Variants in KCNIP4 observed in about 807,000 individuals in gnomAD.
KCNIP4 encodes potassium voltage-gated channel interacting protein 4.
In KCNIP4, 12 loss-of-function variants were observed where a neutral mutation model predicts 34.0. The observed-to-expected ratio is 0.35, with a 90% CI of 0.23 to 0.57. KCNIP4 has a LOEUF of 0.57. Ranked by LOEUF, KCNIP4 falls within the 20% of genes least tolerant of loss-of-function variation. The probability of loss-of-function intolerance (pLI) is 0.83; values close to 1 mark genes in which losing one functional copy is unlikely to be tolerated. For missense variants in KCNIP4, 238 were observed against 311.7 expected (o/e 0.76, Z 1.78); for synonymous variants, 124 against 102.2 (o/e 1.21, Z -1.29).
At chr4:21,869,979 G>A (rs147096015) in intron 1 of KCNIP4, among the ~76,000 whole-genome samples, 48 of 152,154 alleles carry the variant, frequency 3.2e-4, no homozygotes, top group African/African-American at 1.1e-3. Flanking sequence ...TAAATAAGTG[G>A]GCTTTTTAGT....
chr4:21,297,591 T>C (rs962726293), intron 1 of KCNIP4, among the ~76,000 whole-genome samples: 1 of 152,154 alleles, frequency 6.6e-6, no homozygotes, highest in African/African-American at 2.4e-5. Flanking sequence ...TCATTTTTAG[T>C]TCATTTCGTC....
At chr4:21,379,873 G>A (rs1468029412) in intron 1 of KCNIP4, among the ~76,000 whole-genome samples, 3 of 69,604 alleles carry the variant, frequency 4.3e-5, no homozygotes, top group African/African-American at 1.7e-4. Context: ...CTCCCCACCT[G>A]CCCACCCCCA....
At chr4:21,269,508 C>A (rs1184559547) in intron 1 of KCNIP4, among the ~76,000 whole-genome samples, 1 of 152,026 alleles carries the variant, frequency 6.6e-6, no homozygotes, top group African/African-American at 2.4e-5. Context: ...TGGGCTCCAG[C>A]AATCTTCCCA....
intron 1 of KCNIP4, among the ~76,000 whole-genome samples, chr4:21,018,294 T>C (rs1739732078): frequency 6.6e-6 from 1 of 152,192 alleles, no homozygotes; most frequent in South Asian, 2.1e-4. Flanking sequence ...ATAGATATAC[T>C]TGCTGCTTCT....
At chr4:21,241,958 T>C (rs1759846820) in intron 1 of KCNIP4, among the ~76,000 whole-genome samples, 2 of 151,576 alleles carry the variant, frequency 1.3e-5, no homozygotes, top group South Asian at 4.2e-4. Flanking sequence ...AAGACAGAGA[T>C]TGAGACCATC....
chr4:21,555,921 C>CCA lies in KCNIP4; in HGVS notation c.61+392648_61+392649dup, dbSNP rs1738967055. 2.0e-5 allele frequency among the ~76,000 whole-genome samples: 3 copies of CCA among 152,106 alleles called. No homozygotes were observed. The South Asian group carries it at 6.2e-4, about 32-fold the overall frequency. ...CATCAGAGGCTGGAAGCATGCTGTG[C>CCA]CAGCTGTGTCTGTAGACACAGCTGT... On this transcript the variant is annotated intron_variant, in intron 1 of 8. Coordinates refer to ENST00000382152, the MANE Select transcript of KCNIP4 (RefSeq NM_025221.6).
intron 1 of KCNIP4, among the ~76,000 whole-genome samples, chr4:21,231,365 G>C (rs539799409): frequency 1.3e-5 from 2 of 151,920 alleles, no homozygotes; most frequent in African/African-American, 4.8e-5. Context: ...TATGTTCCTC[G>C]CACAAAGTTG....
chr4:21,271,630 A>G (rs960656214), intron 1 of KCNIP4, among the ~76,000 whole-genome samples: 1 of 152,098 alleles, frequency 6.6e-6, no homozygotes, highest in African/African-American at 2.4e-5. Flanking sequence ...GGATATAAAG[A>G]TGGGAGAGGT....
intron 1 of KCNIP4, among the ~76,000 whole-genome samples, chr4:21,070,477 C>CT (rs1294258064): frequency 1.3e-5 from 2 of 151,504 alleles, no homozygotes; most frequent in Non-Finnish European, 2.9e-5. Context: ...TTTACTTTAG[C>CT]TGTTCTAATA....
At chr4:21,235,617 T>A (rs1023978060) in intron 1 of KCNIP4, among the ~76,000 whole-genome samples, 4 of 152,188 alleles carry the variant, frequency 2.6e-5, no homozygotes, top group Non-Finnish European at 4.4e-5. Flanking sequence ...CCATGCTATA[T>A]TTCTCTTGAC....
chr4:21,147,820 T>G (rs1480170175), intron 1 of KCNIP4, among the ~76,000 whole-genome samples: 1 of 150,976 alleles, frequency 6.6e-6, no homozygotes, highest in African/African-American at 2.4e-5. Context: ...ATGCCTGTAA[T>G]CCCAGCTACT....
At chr4:21,036,957 G>A (rs1339855047) in intron 1 of KCNIP4, among the ~76,000 whole-genome samples, 1 of 151,992 alleles carries the variant, frequency 6.6e-6, no homozygotes, top group East Asian at 1.9e-4. Flanking sequence ...TTGGCCCTGG[G>A]GTAGGCCTTG....
At chr4:21,798,404 C>CAT (rs112991875) in intron 1 of KCNIP4, among the ~76,000 whole-genome samples, 4,534 of 129,558 alleles carry the variant, frequency 0.035, 153 homozygotes, top group African/African-American at 0.076. Context: ...CAAAAAAATA[C>CAT]ATATATATAT....
intron 1 of KCNIP4, among the ~76,000 whole-genome samples, chr4:21,123,640 A>G (rs1323713232): frequency 1.3e-5 from 2 of 152,234 alleles, no homozygotes; most frequent in African/African-American, 4.8e-5. Context: ...TAACTGCTAC[A>G]GAATAAATAT....
chr4:21,777,168 T>A (rs1041710503), intron 1 of KCNIP4, among the ~76,000 whole-genome samples: 4 of 152,176 alleles, frequency 2.6e-5, no homozygotes, highest in Non-Finnish European at 4.4e-5. Flanking sequence ...TACTTCCCCA[T>A]CTTCCATGAT....
intron 1 of KCNIP4, among the ~76,000 whole-genome samples, chr4:21,878,929 G>A (rs934710185): frequency 4.6e-5 from 7 of 152,096 alleles, no homozygotes; most frequent in African/African-American, 1.2e-4. Context: ...TTGTGGGTCC[G>A]TGGCAATACT....
chr4:21,687,425 C>T (rs1750894738), intron 1 of KCNIP4, among the ~76,000 whole-genome samples: 1 of 152,020 alleles, frequency 6.6e-6, no homozygotes, highest in African/African-American at 2.4e-5. Flanking sequence ...CTTAAAAGCA[C>T]TGGTGTTGTT....
chr4:21,638,792 G>A (rs571829603), intron 1 of KCNIP4, among the ~76,000 whole-genome samples: 1 of 152,274 alleles, frequency 6.6e-6, no homozygotes, highest in Admixed American at 6.5e-5. Context: ...GTGTGAACAT[G>A]TGAGACACAG....
chr4:21,620,642 A>G (rs1377667777), intron 1 of KCNIP4, among the ~76,000 whole-genome samples: 2 of 152,234 alleles, frequency 1.3e-5, no homozygotes, highest in African/African-American at 4.8e-5. Flanking sequence ...AAAAAATAGC[A>G]TTGATGAAAA....
Sources: allele counts gnomAD v4.1 joint callset (sites outside exome capture counted in the v4.1 genomes callset), GRCh38; gene constraint gnomAD v4.1.1; transcripts MANE v1.5; gene names NCBI Gene and HGNC (gene_info 2026-07-23, HGNC 2026-07-21).